Variants in BABAM2 observed in about 807,000 individuals in gnomAD.
BABAM2 encodes the protein BRISC and BRCA1 A complex member 2.
BABAM2 carries 31 observed loss-of-function variants against 54.7 expected under a neutral mutation model. The ratio of observed to expected loss-of-function variants is 0.57; its 90% CI spans 0.43 to 0.77. The LOEUF is 0.77. Among genes scored for constraint, BABAM2 ranks in the 30% least tolerant of loss-of-function variants. BABAM2 has a pLI of 0.00. For missense variants in BABAM2, 364 were observed against 455.8 expected, an observed-to-expected ratio of 0.80 and a Z score of 1.83; for synonymous variants, 167 against 162.9, an observed-to-expected ratio of 1.03 and a Z score of -0.19.
At chr2:28,220,958 G>A (rs1381749298) in intron 7 of BABAM2, among the ~76,000 whole-genome samples, 1 of 152,148 alleles carries the variant, frequency 6.6e-6, no homozygotes, top group Non-Finnish European at 1.5e-5. Context: ...ACGTGATCAT[G>A]TGTCTTACTG....
At chr2:28,280,682 A>G (rs1263259170) in intron 10 of BABAM2, among the ~76,000 whole-genome samples, 2 of 152,194 alleles carry the variant, frequency 1.3e-5, no homozygotes, top group Non-Finnish European at 2.9e-5. Context: ...CTCAGGCACT[A>G]CTTTGCAGAT....
chr2:28,151,322 C>T (rs970425605), intron 7 of BABAM2, among the ~76,000 whole-genome samples: 1 of 152,148 alleles, frequency 6.6e-6, no homozygotes, highest in Non-Finnish European at 1.5e-5. Flanking sequence ...CTTGTAATCC[C>T]AGCACTTTGG....
intron 11 of BABAM2, among the ~76,000 whole-genome samples, chr2:28,336,446 T>C (rs1464244145): frequency 6.6e-6 from 1 of 150,498 alleles, no homozygotes; most frequent in Non-Finnish European, 1.5e-5. Flanking sequence ...GACGTGGGAC[T>C]GGAAGTTTGA....
intron 3 of BABAM2, among the ~76,000 whole-genome samples, chr2:27,941,752 C>T (rs1668906874): frequency 6.6e-6 from 1 of 152,050 alleles, no homozygotes; most frequent in African/African-American, 2.4e-5. Flanking sequence ...TCTATGTCCT[C>T]AGAGAAGCAG....
At chr2:28,231,532 C>T (rs1681385121) in intron 7 of BABAM2, among the ~76,000 whole-genome samples, 1 of 152,142 alleles carries the variant, frequency 6.6e-6, no homozygotes, top group African/African-American at 2.4e-5. Context: ...CCTTTCCATG[C>T]TTCAACTTCC....
chr2:27,938,700 CT>C (rs1668663510), intron 3 of BABAM2, among the ~76,000 whole-genome samples: 1 of 151,824 alleles, frequency 6.6e-6, no homozygotes, highest in African/African-American at 2.4e-5. Flanking sequence ...AGCTCTTTGC[CT>C]TTTTAAAGAA....
chr2:28,282,759 G>A (rs1331470887), intron 10 of BABAM2, among the ~76,000 whole-genome samples: 5 of 151,940 alleles, frequency 3.3e-5, no homozygotes, highest in Non-Finnish European at 7.4e-5. Context: ...CAGTATTTTG[G>A]GAGGCCGAGG....
chr2:28,259,074 C>CA (rs1684256961), intron 10 of BABAM2, among the ~76,000 whole-genome samples: 1 of 23,424 alleles, frequency 4.3e-5, no homozygotes. Context: ...TGCACCTGGC[C>CA]TTTTTTTTTT....
At chr2:28,174,933 G>T (rs1674757494) in intron 7 of BABAM2, among the ~76,000 whole-genome samples, 1 of 152,150 alleles carries the variant, frequency 6.6e-6, no homozygotes, top group African/African-American at 2.4e-5. Flanking sequence ...ACAGCACACA[G>T]TATCCTGTAT....
intron 10 of BABAM2, among the ~76,000 whole-genome samples, chr2:28,281,867 A>C (rs1031911971): frequency 3.9e-5 from 6 of 152,246 alleles, no homozygotes; most frequent in African/African-American, 1.2e-4. Context: ...TAAAGTTTAT[A>C]TGAGGACATC....
intron 7 of BABAM2, among the ~76,000 whole-genome samples, chr2:28,157,008 C>T (rs918782357): frequency 6.6e-6 from 1 of 152,088 alleles, no homozygotes; most frequent in Non-Finnish European, 1.5e-5. Context: ...ATGTATTGGT[C>T]TATAATTTTT....
intron 5 of BABAM2, among the ~76,000 whole-genome samples, chr2:28,026,855 T>TAG (rs1675775848): frequency 1.2e-5 from 1 of 81,342 alleles, no homozygotes; most frequent in Non-Finnish European, 2.1e-5. Flanking sequence ...TATATATTTA[T>TAG]ATATATAGAT....
chr2:28,104,071 C>T (rs1401865740), intron 6 of BABAM2, among the ~76,000 whole-genome samples: 1 of 152,064 alleles, frequency 6.6e-6, no homozygotes, highest in Non-Finnish European at 1.5e-5. Flanking sequence ...AAATGTTAGA[C>T]CTAAAACCAT....
At chr2:28,181,784 ATT>A (rs538738175) in intron 7 of BABAM2, among the ~76,000 whole-genome samples, 24 of 142,532 alleles carry the variant, frequency 1.7e-4, no homozygotes, top group Admixed American at 4.3e-4. Flanking sequence ...CACCAATAAA[ATT>A]TTTTTTTTAA....
rs77454965 is a variant in BABAM2 at position 27,900,410 on chromosome 2, A to T, written c.128+5726A>T. Among the ~76,000 whole-genome samples, 1,430 of 149,668 alleles carry T rather than the reference A, an allele frequency of 9.6e-3. 6 individuals carry two copies. Among genetic ancestry groups the T allele is most frequent in the Non-Finnish European group, 0.015 (986 of 67,480 alleles). ...ATAGCAATTCATATATATTTCTCTT[A>T]TGTTATCTAGATTTTTCTACCTTAC... On this transcript the variant is annotated intron_variant, in intron 2 of 11. Transcript: ENST00000379624.
intron 3 of BABAM2, among the ~76,000 whole-genome samples, chr2:27,986,382 T>A (rs981024838): frequency 6.6e-6 from 1 of 152,070 alleles, no homozygotes. Flanking sequence ...TTAATGCCTA[T>A]CATAGTGGCT....
intron 7 of BABAM2, among the ~76,000 whole-genome samples, chr2:28,156,213 A>G (rs1006994278): frequency 6.6e-6 from 1 of 152,122 alleles, no homozygotes; most frequent in African/African-American, 2.4e-5. Context: ...TCCTCCCACA[A>G]GATTTGTCGC....
intron 6 of BABAM2, among the ~76,000 whole-genome samples, chr2:28,115,397 C>T (rs60112997): frequency 0.12 from 18,282 of 151,946 alleles, 1,479 homozygotes; most frequent in African/African-American, 0.23. Flanking sequence ...GAGGCCAAGG[C>T]GGGCGGATCA....
chr2:28,074,030 T>C (rs1002949184), intron 6 of BABAM2, among the ~76,000 whole-genome samples: 1 of 152,078 alleles, frequency 6.6e-6, no homozygotes, highest in Non-Finnish European at 1.5e-5. Context: ...TATATACACA[T>C]ATATATACAC....
Sources: allele counts gnomAD v4.1 joint callset (sites outside exome capture counted in the v4.1 genomes callset), GRCh38; gene constraint gnomAD v4.1.1; transcripts MANE v1.5; gene names NCBI Gene and HGNC (gene_info 2026-07-23, HGNC 2026-07-21).